Variants in KIFC3 observed in about 807,000 individuals in gnomAD.
KIFC3 encodes kinesin-like protein KIFC3.
In KIFC3, 60 loss-of-function variants were observed where a neutral mutation model predicts 101.8. The ratio of observed to expected loss-of-function variants is 0.59; its 90% CI spans 0.48 to 0.73. The LOEUF (loss-of-function observed/expected upper bound fraction) is 0.73, where lower values mean the gene tolerates loss of function less well. KIFC3 is among the 30% of genes least tolerant of loss of function. The probability of loss-of-function intolerance (pLI) is 0.00; values close to 1 mark genes in which losing one functional copy is unlikely to be tolerated. For synonymous variants in KIFC3, 476 were observed against 482.7 expected, an observed-to-expected ratio of 0.99 and a Z score of 0.18; for missense variants, 966 against 1,137.1, an observed-to-expected ratio of 0.85 and a Z score of 2.16.
At chr16:57,779,193 A>G (rs1194562836) in intron 3 of KIFC3, among the ~76,000 whole-genome samples, 1 of 152,272 alleles carries the variant, frequency 6.6e-6, no homozygotes, top group Non-Finnish European at 1.5e-5. Flanking sequence ...GGATGGATGA[A>G]TGGAAAAACA....
At chr16:57,813,706 C>T in intron 1 of KIFC3, 4 of 984,602 alleles carry the variant, frequency 4.1e-6, no homozygotes, top group Non-Finnish European at 4.8e-6. Flanking sequence ...CACCTCCCTG[C>T]ACCCGGGCAC....
At chr16:57,785,690 G>A in intron 3 of KIFC3, 1 of 1,209,696 alleles carries the variant, frequency 8.3e-7, no homozygotes, top group Non-Finnish European at 1.1e-6. Flanking sequence ...AGTGGCTGAT[G>A]AGAGGGCAGC....
At chr16:57,829,841 C>T (rs1340362144) in intron 1 of KIFC3, among the ~76,000 whole-genome samples, 2 of 152,176 alleles carry the variant, frequency 1.3e-5, no homozygotes, top group African/African-American at 4.8e-5. Context: ...TGGCCACAAT[C>T]CCTGTGGGCA....
intron 1 of KIFC3, among the ~76,000 whole-genome samples, chr16:57,850,578 C>T (rs1020790521): frequency 1.1e-4 from 15 of 140,222 alleles, no homozygotes; most frequent in African/African-American, 3.7e-4. Context: ...CAGGTTCAAG[C>T]GATTCTCCTG....
chr16:57,843,351 C>T (rs1407382004), intron 1 of KIFC3, among the ~76,000 whole-genome samples: 1 of 152,142 alleles, frequency 6.6e-6, no homozygotes, highest in Non-Finnish European at 1.5e-5. Context: ...TTCCTGCCAA[C>T]AAGGCCTTGG....
In KIFC3 at chr16:57,762,044, T is replaced by C. The variant is rs535570171; in HGVS notation, c.1748+96A>G. On this transcript the variant is annotated intron_variant, in intron 13 of 19. Coordinates refer to ENST00000445690, the MANE Select transcript of KIFC3 (RefSeq NM_001130100.2). The stretch of plus-strand genomic sequence containing the variant: ...CTGCCCCTGAGGCCTGCTCCCCACA[T>C]ACTGGGGGTCCCACCTGAGGACCTC... 58 of 1,413,368 alleles carry C rather than the reference T, an allele frequency of 4.1e-5. No homozygotes were observed. The African/African-American group carries it at 7.4e-4, about 18-fold the overall frequency. 87.6% of individuals were successfully genotyped at this position (1,413,368 alleles called of 1,614,324 possible).
At chr16:57,773,076 C>A (rs376802457) in intron 3 of KIFC3, among the ~76,000 whole-genome samples, 1 of 152,204 alleles carries the variant, frequency 6.6e-6, no homozygotes, top group Non-Finnish European at 1.5e-5. Context: ...CTCACATCAG[C>A]CCACCCCCAG....
chr16:57,763,214 C>G (rs974625843), intron 12 of KIFC3, among the ~76,000 whole-genome samples: 1 of 152,182 alleles, frequency 6.6e-6, no homozygotes, highest in African/African-American at 2.4e-5. Flanking sequence ...ATGCCTGATA[C>G]ACCTTATGCA....
intron 1 of KIFC3, among the ~76,000 whole-genome samples, chr16:57,849,772 G>A (rs1319930062): frequency 3.3e-5 from 5 of 152,028 alleles, no homozygotes; most frequent in African/African-American, 1.2e-4. Flanking sequence ...GTGTGGTGGT[G>A]TGTGCCTGTA....
At chr16:57,816,772 C>A (rs868977432) in intron 1 of KIFC3, 1 of 455,530 alleles carries the variant, frequency 2.2e-6, no homozygotes, top group Middle Eastern at 3.3e-4. Context: ...ACAGCCACCC[C>A]TTCCAGGCAG....
intron 3 of KIFC3, chr16:57,775,151 C>A: frequency 7.3e-7 from 1 of 1,366,166 alleles, no homozygotes; most frequent in South Asian, 1.7e-5. Flanking sequence ...GGCTCCTGGG[C>A]TCTGTCCAGA....
At chr16:57,844,635 G>T (rs1310368002) in intron 1 of KIFC3, among the ~76,000 whole-genome samples, 3 of 152,068 alleles carry the variant, frequency 2.0e-5, no homozygotes, top group African/African-American at 7.2e-5. Flanking sequence ...CTGTGCTGGG[G>T]TCTCTGTCCC....
intron 3 of KIFC3, 159 bp from the exon 4 acceptor site, chr16:57,772,447 G>C (rs1485253573): frequency 1.7e-6 from 1 of 582,180 alleles, no homozygotes; most frequent in Admixed American, 3.0e-5. Context: ...TCACACCTGG[G>C]ACTTCAGGTG....
At chr16:57,761,639 C>T in intron 13 of KIFC3, 103 bp from the exon 14 acceptor site, 1 of 1,362,098 alleles carries the variant, frequency 7.3e-7, no homozygotes, top group Non-Finnish European at 1.0e-6. Flanking sequence ...CCCAGGAAGC[C>T]TTCTCCAGCC....
chr16:57,851,368 T>C (rs1424950741), intron 1 of KIFC3, among the ~76,000 whole-genome samples: 1 of 152,146 alleles, frequency 6.6e-6, no homozygotes, highest in Non-Finnish European at 1.5e-5. Context: ...TTTCCTCAAC[T>C]TCATCTTCCA....
At chr16:57,786,084 G>T (rs907406281) in intron 3 of KIFC3, among the ~76,000 whole-genome samples, 7 of 152,194 alleles carry the variant, frequency 4.6e-5, no homozygotes, top group Non-Finnish European at 7.3e-5. Context: ...CCTCTCAAGA[G>T]TACAGAAGAG....
Position 57,802,249 on chromosome 16 carries a change from T to G in KIFC3, c.-40+121A>C. The G allele has an allele frequency of 7.0e-6, 3 of 426,504 alleles. No individual in the cohort carries two copies. The highest frequency in any genetic ancestry group is 9.4e-6 in the Non-Finnish European group (3 of 319,104). The allele number at this position is 426,504 out of a possible 1,614,324, so 26.4% of individuals were successfully genotyped here. On this transcript the variant is annotated intron_variant, in intron 1 of 19. Coordinates refer to ENST00000445690, the MANE Select transcript of KIFC3 (RefSeq NM_001130100.2). The surrounding 1 kb of genome is among the most constrained non-coding windows in gnomAD (Gnocchi z 5.0). ...CCGGGCCTTTCCCTCCCCGCGCCCA[T>G]AGCGGGTCCGGGCAGAGGGGTCCCG...
At chr16:57,837,804 C>G (rs892298730) in intron 1 of KIFC3, among the ~76,000 whole-genome samples, 1 of 152,108 alleles carries the variant, frequency 6.6e-6, no homozygotes, top group East Asian at 1.9e-4. Context: ...CAGAAAACCC[C>G]GTCTGAGAAC....
rs1555597663 is a variant in KIFC3 at position 57,761,520 on chromosome 16, C to G, written c.1765G>C (p.Glu589Gln). ...NEVLRDLLGK[E>Q]PQEKLEIRLC... ...CGGATCTCCAGTTTTTCCTGAGGCT[C>G]TTTCCCTAGCAGGTCCCTGGAGGGG... Residue 589 changes from glutamate (E) to glutamine (Q), a missense_variant, in exon 14 of 20, where the codon GAG (glutamate) becomes CAG (glutamine). Physicochemically the swap from Glu to Gln is conservative, Grantham distance 29 (BLOSUM62 2). Transcript: ENST00000445690. The G allele has an allele frequency of 6.2e-7, 1 of 1,613,570 alleles. No homozygotes were observed. Among genetic ancestry groups the G allele is most frequent in the Admixed American group, 1.7e-5 (1 of 60,010 alleles).
Sources: gnomAD v4.1 joint callset for allele counts (sites outside exome capture counted in the v4.1 genomes callset) on GRCh38, gnomAD v4.1.1 for gene constraint, Gnocchi (gnomAD v3.1) non-coding constraint, MANE v1.5 for transcripts, NCBI Gene and HGNC (gene_info 2026-07-23, HGNC 2026-07-21) for gene names.